RNGTT: variants seen among roughly 807,000 people sequenced by gnomAD.
RNGTT encodes the protein RNA guanylyltransferase and 5'-phosphatase.
In RNGTT, 33 loss-of-function variants were observed where a neutral mutation model predicts 79.3. That is an observed-to-expected ratio of 0.42 (90% CI 0.32 to 0.56). The LOEUF (loss-of-function observed/expected upper bound fraction) is 0.56, where lower values mean the gene tolerates loss of function less well. Ranked by LOEUF, RNGTT falls within the 20% of genes least tolerant of loss-of-function variation. The probability of loss-of-function intolerance (pLI) is 0.17; values close to 1 mark genes in which losing one functional copy is unlikely to be tolerated. For missense variants in RNGTT, 497 were observed against 739.1 expected (o/e 0.67, Z 3.80); for synonymous variants, 222 against 235.9 (o/e 0.94, Z 0.54).
At chr6:88,697,819 C>T (rs1012172009) in intron 13 of RNGTT, among the ~76,000 whole-genome samples, 3 of 143,692 alleles carry the variant, frequency 2.1e-5, no homozygotes, top group Non-Finnish European at 3.0e-5. Context: ...TGCAGTAAGC[C>T]GAGACTGCAC....
chr6:88,881,646 A>AT (rs758057901), intron 8 of RNGTT, among the ~76,000 whole-genome samples: 3 of 152,196 alleles, frequency 2.0e-5, no homozygotes, highest in African/African-American at 4.8e-5. Context: ...ACACTGACAG[A>AT]TAAAAAGCCC....
chr6:88,921,977 A>G (rs371311191), intron 4 of RNGTT, among the ~76,000 whole-genome samples: 7 of 152,118 alleles, frequency 4.6e-5, no homozygotes, highest in African/African-American at 9.7e-5. Flanking sequence ...ACTGAGCATC[A>G]GAGGATTTTG....
chr6:88,749,946 C>T (rs1004084391), intron 13 of RNGTT, among the ~76,000 whole-genome samples: 5 of 152,258 alleles, frequency 3.3e-5, no homozygotes, highest in East Asian at 1.9e-4. Flanking sequence ...TGTTTCTTGA[C>T]GTGCAGCTAT....
intron 12 of RNGTT, among the ~76,000 whole-genome samples, chr6:88,779,240 C>T (rs1172060890): frequency 6.6e-6 from 1 of 152,134 alleles, no homozygotes; most frequent in Non-Finnish European, 1.5e-5. Context: ...ATGCACATCC[C>T]ACCGCATTTG....
chr6:88,752,230 A>G (rs1777864105), intron 13 of RNGTT, among the ~76,000 whole-genome samples: 1 of 152,012 alleles, frequency 6.6e-6, no homozygotes. Context: ...TTCAAAACAG[A>G]CTGTGCAAGT....
chr6:88,795,799 A>G (rs1779583496), intron 12 of RNGTT, among the ~76,000 whole-genome samples: 2 of 152,234 alleles, frequency 1.3e-5, no homozygotes, highest in Non-Finnish European at 1.5e-5. Flanking sequence ...GGACCCTCGC[A>G]ATACTGCAAT....
intron 13 of RNGTT, among the ~76,000 whole-genome samples, chr6:88,728,937 C>CT (rs1252267063): frequency 2.0e-5 from 3 of 152,214 alleles, no homozygotes; most frequent in Admixed American, 6.5e-5. Flanking sequence ...AATTGTTATG[C>CT]TTGTATGCAT....
At chr6:88,641,366 T>G (rs961868027) in intron 14 of RNGTT, among the ~76,000 whole-genome samples, 1 of 147,848 alleles carries the variant, frequency 6.8e-6, no homozygotes, top group African/African-American at 2.5e-5. Flanking sequence ...AAAATAACCA[T>G]GGTGAAGCTG....
intron 14 of RNGTT, among the ~76,000 whole-genome samples, chr6:88,654,866 AG>A (rs1465726548): frequency 6.6e-6 from 1 of 152,244 alleles, no homozygotes; most frequent in East Asian, 1.9e-4. Context: ...CAAAAGAAAA[AG>A]AAACAAAACA....
intron 13 of RNGTT, among the ~76,000 whole-genome samples, chr6:88,684,521 A>G (rs996016576): frequency 2.6e-5 from 4 of 152,236 alleles, no homozygotes; most frequent in African/African-American, 9.6e-5. Context: ...GATGGTACAC[A>G]CAGGCAATGC....
intron 14 of RNGTT, among the ~76,000 whole-genome samples, chr6:88,672,216 T>C (rs1404929152): frequency 1.3e-5 from 2 of 149,904 alleles, no homozygotes; most frequent in African/African-American, 5.0e-5. Context: ...TATATATATA[T>C]ATACACACAC....
chr6:88,942,039 A>C (rs1041643977), intron 1 of RNGTT, among the ~76,000 whole-genome samples: 1 of 151,182 alleles, frequency 6.6e-6, no homozygotes, highest in Non-Finnish European at 1.5e-5. Context: ...TGTCCAGGCT[A>C]GTCTCAAACT....
In RNGTT at chr6:88,610,100, T is replaced by C. The variant is rs1209962465; in HGVS notation, c.*2619A>G. On this transcript the variant is annotated 3_prime_UTR_variant, in exon 16 of 16. Coordinates refer to ENST00000369485, the MANE Select transcript of RNGTT (RefSeq NM_003800.5). ...TTCAAACTACACCCCCCTGTGTCAA[T>C]CAAATTTCTCAGTTTCTCAGAAAGA... Among the ~76,000 whole-genome samples the C allele has an allele frequency of 6.6e-6, 1 of 152,196 alleles. No individual in the cohort carries two copies. Among genetic ancestry groups the C allele is most frequent in the Non-Finnish European group, 1.5e-5 (1 of 68,030 alleles).
intron 13 of RNGTT, among the ~76,000 whole-genome samples, chr6:88,691,615 T>C (rs1212077367): frequency 6.6e-6 from 1 of 152,174 alleles, no homozygotes; most frequent in African/African-American, 2.4e-5. Context: ...AAAAAAGGCA[T>C]GTTAGGGCCT....
intron 14 of RNGTT, among the ~76,000 whole-genome samples, chr6:88,662,161 A>G (rs1467009328): frequency 6.6e-6 from 1 of 152,256 alleles, no homozygotes; most frequent in Non-Finnish European, 1.5e-5. Context: ...CACACCTTTA[A>G]GGAAGTAGAC....
rs1303817277 is a variant in RNGTT, at chr6:88,945,158, C to G, written c.65-3978G>C. Among the ~76,000 whole-genome samples the G allele has an allele frequency of 2.6e-5, 4 of 152,152 alleles. 1 individual carries two copies. Among genetic ancestry groups the G allele is most frequent in the Admixed American group, 2.6e-4 (4 of 15,272 alleles). On this transcript the variant is annotated intron_variant, in intron 1 of 15. Transcript: ENST00000369485. ...ATCATTCCTTTTGGCCACGCTATCC[C>G]CATTCTTTTGGCCACTCTATCCGAA...
intron 13 of RNGTT, among the ~76,000 whole-genome samples, chr6:88,694,161 G>A (rs1562198894): frequency 6.6e-6 from 1 of 152,096 alleles, no homozygotes; most frequent in Non-Finnish European, 1.5e-5. Context: ...TAGTGAAATT[G>A]TCGATACTTG....
chr6:88,799,727 T>C lies in RNGTT; in HGVS notation c.1338+1837A>G, dbSNP rs369646303. Among the ~76,000 whole-genome samples, 282 of 142,140 alleles carry C rather than the reference T, an allele frequency of 2.0e-3. 6 individuals carry two copies. The highest frequency in any genetic ancestry group is 7.2e-3 in the African/African-American group (269 of 37,254). 93.2% of individuals were successfully genotyped at this position (142,140 alleles called of 152,430 possible). On this transcript the variant is annotated intron_variant, in intron 12 of 15. Transcript: ENST00000369485. ...AAAAAAAAAAAAAAAAAAAAAAGTA[T>C]GGTTACTAGAAAGGGAACGGAATGA...
chr6:88,829,887 A>G (rs1227272065), intron 11 of RNGTT, among the ~76,000 whole-genome samples: 1 of 152,172 alleles, frequency 6.6e-6, no homozygotes, highest in Non-Finnish European at 1.5e-5. Flanking sequence ...CAGATTCATA[A>G]AGTAAGTTCT....
Sources: gnomAD v4.1 joint callset for allele counts (sites outside exome capture counted in the v4.1 genomes callset) on GRCh38, gnomAD v4.1.1 for gene constraint, MANE v1.5 for transcripts, NCBI Gene and HGNC (gene_info 2026-07-23, HGNC 2026-07-21) for gene names.